The following PPP1R3C variants were observed in gnomAD, a reference collection of about 807,000 sequenced individuals.
PPP1R3C encodes PP1 subunit R5.
In PPP1R3C, 20 loss-of-function variants were observed where a neutral mutation model predicts 29.3. The ratio of observed to expected loss-of-function variants is 0.68; its 90% CI spans 0.48 to 0.99. The LOEUF (loss-of-function observed/expected upper bound fraction) is 0.99, where lower values mean the gene tolerates loss of function less well. Ranked by LOEUF, PPP1R3C falls within the 50% of genes least tolerant of loss-of-function variation. The pLI, the probability that PPP1R3C is intolerant of heterozygous loss-of-function variation, is 0.00. For synonymous variants in PPP1R3C, 123 were observed against 143.1 expected (o/e 0.86, Z 1.00); for missense variants, 321 against 386.0 (o/e 0.83, Z 1.41).
Position 91,630,753 on chromosome 10 carries a change from T to C in PPP1R3C, c.128A>G (p.Tyr43Cys). The C allele has an allele frequency of 6.2e-7, 1 of 1,614,224 alleles. No homozygotes were observed. The highest frequency in any genetic ancestry group is 8.5e-7 in the Non-Finnish European group (1 of 1,180,036). The change falls in exon 2 of 2, where the codon TAC becomes TGC. Residue 43 changes from tyrosine to cysteine, a missense_variant. Physicochemically the swap from Tyr to Cys is radical, Grantham distance 194. Coordinates refer to ENST00000238994, the MANE Select transcript of PPP1R3C (RefSeq NM_005398.7). This position sits in a 1 kb window ranked among gnomAD's most constrained non-coding sequence, Gnocchi z 4.4. Reference protein sequence around the residue: ...SPPVKSFLGPYDEFQRRHFVN... With the variant: ...SPPVKSFLGPCDEFQRRHFVN... Reference sequence around the variant, plus strand: ...AAAATGTCGTCGTTGAAATTCATCGTACGGGCCCAGGAAACTCTTCACAGG... The same window carrying C: ...AAAATGTCGTCGTTGAAATTCATCGCACGGGCCCAGGAAACTCTTCACAGG...
At chr10:91,631,514 AG>A (rs1351889285) in intron 1 of PPP1R3C, among the ~76,000 whole-genome samples, 5 of 140,270 alleles carry the variant, frequency 3.6e-5, no homozygotes, top group Admixed American at 7.3e-5. Flanking sequence ...TTCTCTGGTA[AG>A]GTAATTCACT....
chr10:91,630,595 TGAGA>T lies in PPP1R3C; in HGVS notation c.282_285del (p.Thr96ArgfsTer30). 6.2e-7 allele frequency: 1 copy of T among 1,613,218 alleles called. No homozygotes were observed. Among genetic ancestry groups the T allele is most frequent in the Non-Finnish European group, 8.5e-7 (1 of 1,179,298 alleles). ...AGGTCGGAGAAGACATGGATCGCAG[TGAGA>T]GAGAGGCCCTTGGAGTCAGCAAACA... On this transcript the variant is annotated frameshift_variant, in exon 2 of 2. Transcript: ENST00000238994. LOFTEE classifies it high-confidence loss of function. This position sits in a 1 kb window ranked among gnomAD's most constrained non-coding sequence, Gnocchi z 4.4.
intron 1 of PPP1R3C, among the ~76,000 whole-genome samples, chr10:91,631,147 T>C (rs1848714208): frequency 6.6e-6 from 1 of 152,234 alleles, no homozygotes; most frequent in Admixed American, 6.5e-5. Flanking sequence ...TTCGATTTGA[T>C]TATCTCCAAG....
intron 1 of PPP1R3C, 148 bp downstream of exon 1, chr10:91,632,808 G>C (rs1048770602): frequency 8.4e-7 from 1 of 1,195,568 alleles, no homozygotes; most frequent in African/African-American, 1.5e-5. Flanking sequence ...AAGGCCTCTC[G>C]GTTGCCAGAT....
chr10:91,629,923 TA>T lies in PPP1R3C; in HGVS notation c.*3del. 1 of 1,614,058 alleles carries T rather than the reference TA, an allele frequency of 6.2e-7. No homozygotes were observed. Among genetic ancestry groups the T allele is most frequent in the Non-Finnish European group, 8.5e-7 (1 of 1,179,976 alleles). ...AGTCAAGACCAGTTACATTGTTGCT[TA>T]ATTCATCGATAAGAGGCCAAGTTCT... On this transcript the variant is annotated 3_prime_UTR_variant, in exon 2 of 2. Transcript: ENST00000238994.
Position 91,630,047 on chromosome 10 carries a change from G to A in PPP1R3C, c.834C>T (p.His278=). ...TQMAPQDCAF[H]QTSPKTELES... is the part of the protein sequence containing the mutation. ...CTAACTCTGTCTTAGGAGACGTCTG[G>A]TGGAATGCACAGTCCTGGGGTGCCA... The change falls in exon 2 of 2, where the codon CAC becomes CAT. Residue 278 remains histidine, a synonymous_variant. Coordinates refer to ENST00000238994, the MANE Select transcript of PPP1R3C (RefSeq NM_005398.7). The surrounding 1 kb of genome is among the most constrained non-coding windows in gnomAD (Gnocchi z 4.4). 6.2e-7 allele frequency: 1 copy of A among 1,614,208 alleles called. No individual in the cohort carries two copies. Among genetic ancestry groups the A allele is most frequent in the South Asian group, 1.1e-5 (1 of 91,078 alleles).
In PPP1R3C at chr10:91,630,049, G is replaced by C. The variant is rs775020495; in HGVS notation, c.832C>G (p.His278Asp). ...AACTCTGTCTTAGGAGACGTCTGGT[G>C]GAATGCACAGTCCTGGGGTGCCATC... The part of the protein sequence containing the change: ...TQMAPQDCAF[H>D]QTSPKTELES... Residue 278 changes from histidine to aspartate, a missense_variant, in exon 2 of 2, where the codon CAC (histidine) becomes GAC (aspartate). Coordinates refer to ENST00000238994, the MANE Select transcript of PPP1R3C (RefSeq NM_005398.7). The surrounding 1 kb of genome is among the most constrained non-coding windows in gnomAD (Gnocchi z 4.4). The C allele has an allele frequency of 3.7e-6, 6 of 1,614,194 alleles. No homozygotes were observed. Among genetic ancestry groups the C allele is most frequent in the Non-Finnish European group, 5.1e-6 (6 of 1,180,040 alleles).
At chr10:91,631,706 C>G (rs1185150338) in intron 1 of PPP1R3C, among the ~76,000 whole-genome samples, 1 of 152,020 alleles carries the variant, frequency 6.6e-6, no homozygotes, top group Non-Finnish European at 1.5e-5. Flanking sequence ...TAAAGAGATG[C>G]CCATGACAAG....
Position 91,630,767 on chromosome 10 carries a change from A to G in PPP1R3C, c.114T>C (p.Ser38=), listed in dbSNP as rs766039608. 6.2e-7 allele frequency: 1 copy of G among 1,613,874 alleles called. No homozygotes were observed. The highest frequency in any genetic ancestry group is 8.5e-7 in the Non-Finnish European group (1 of 1,179,958). The change falls in exon 2 of 2, where the codon AGT becomes AGC. Residue 38 remains serine (S), a synonymous_variant. Transcript: ENST00000238994. The surrounding 1 kb of genome is among the most constrained non-coding windows in gnomAD (Gnocchi z 4.4). Reference sequence around the variant, plus strand: ...GAAATTCATCGTACGGGCCCAGGAAACTCTTCACAGGTGGTGAATGTGCCA... The same window carrying G: ...GAAATTCATCGTACGGGCCCAGGAAGCTCTTCACAGGTGGTGAATGTGCCA... The part of the protein sequence containing the change: ...LCLAHSPPVK[S]FLGPYDEFQR...
At chr10:91,632,842 G>T in intron 1 of PPP1R3C, 114 bp downstream of exon 1, 1 of 1,458,066 alleles carries the variant, frequency 6.9e-7, no homozygotes, top group Non-Finnish European at 9.4e-7. Flanking sequence ...CAGTCCACTT[G>T]TCCTCCCCCT....
Position 91,630,644 on chromosome 10 carries a change from G to A in PPP1R3C, c.237C>T (p.Asn79=), listed in dbSNP as rs761353233. 1.2e-6 allele frequency: 2 copies of A among 1,611,406 alleles called. No individual in the cohort carries two copies. The highest frequency in any genetic ancestry group is 2.2e-5 in the South Asian group (2 of 91,044). The stretch of plus-strand genomic sequence containing the variant: ...CAAACACAACGCGCTTCTTGGCTTG[G>A]TTGTGTGAGCACTTCCAGTCATTCT... ...KSQNDWKCSH[N]QAKKRVVFAD... The change falls in exon 2 of 2, where the codon AAC becomes AAT. Residue 79 remains asparagine (N), a synonymous_variant. Coordinates refer to ENST00000238994, the MANE Select transcript of PPP1R3C (RefSeq NM_005398.7). The surrounding 1 kb of genome is among the most constrained non-coding windows in gnomAD (Gnocchi z 4.4).
chr10:91,632,799 A>G (rs995191496), intron 1 of PPP1R3C, among the ~76,000 whole-genome samples, 157 bp downstream of exon 1: 1 of 152,120 alleles, frequency 6.6e-6, no homozygotes. Context: ...TACACCTCCA[A>G]GGCCTCTCGG....
chr10:91,630,455 T>G lies in PPP1R3C; in HGVS notation c.426A>C (p.Ser142=). The change falls in exon 2 of 2, where the codon TCA becomes TCC. Residue 142 remains serine, a synonymous_variant. Transcript: ENST00000238994. This position sits in a 1 kb window ranked among gnomAD's most constrained non-coding sequence, Gnocchi z 4.4. ...GGCTCCGGAAACTTAAGTAATCGGT[T>G]GAAGGCTGAGGGAAATCTAAAATCA... The part of the protein sequence containing the change: ...KNLILDFPQP[S]TDYLSFRSHF... The G allele has an allele frequency of 6.2e-7, 1 of 1,614,208 alleles. No individual in the cohort carries two copies. The highest frequency in any genetic ancestry group is 1.6e-4 in the Middle Eastern group (1 of 6,062).
At position 91,629,837 on chromosome 10, in the gene PPP1R3C, G is replaced by A. The variant is rs954895956; in HGVS notation, c.*90C>T. 1.5e-5 allele frequency: 21 copies of A among 1,363,794 alleles called. No individual in the cohort carries two copies. Among genetic ancestry groups the A allele is most frequent in the African/African-American group, 2.8e-5 (2 of 70,200 alleles). The allele number at this position is 1,363,794 out of a possible 1,614,324, so 84.5% of individuals were successfully genotyped here. On this transcript the variant is annotated 3_prime_UTR_variant, in exon 2 of 2. Transcript: ENST00000238994. ...GCTCAAATCTAAACCTACTGATGGA[G>A]TAGCAAAGGCTTCCTAAAATTGAGC...
chr10:91,633,037 A>C lies in PPP1R3C; in HGVS notation c.-68T>G. ...CTGCACAAATTCGAACCACAGCTCC[A>C]GGCCTTGCCCCCGCGGCGGTCGCTG... On this transcript the variant is annotated 5_prime_UTR_variant, in exon 1 of 2. Coordinates refer to ENST00000238994, the MANE Select transcript of PPP1R3C (RefSeq NM_005398.7). 3 of 1,584,252 alleles carry C rather than the reference A, an allele frequency of 1.9e-6. No individual in the cohort carries two copies. The highest frequency in any genetic ancestry group is 2.3e-5 in the South Asian group (2 of 86,830).
At position 91,629,988 on chromosome 10, in the gene PPP1R3C, C is replaced by T. The variant is rs1224794112; in HGVS notation, c.893G>A (p.Ser298Asn). 1.2e-6 allele frequency: 2 copies of T among 1,614,270 alleles called. No individual in the cohort carries two copies. The highest frequency in any genetic ancestry group is 1.7e-6 in the Non-Finnish European group (2 of 1,180,046). Residue 298 changes from serine to asparagine, a missense_variant, in exon 2 of 2, where the codon AGT (serine) becomes AAT (asparagine). Ser to Asn is a conservative substitution (Grantham distance 46, BLOSUM62 1). Transcript: ENST00000238994. ...STIFGSPRLA[S>N]GLFPEWQSWG... ...GCTCTGCCACTCTGGGAAGAGCCCA[C>T]TAGCCAGCCTCGGACTGCCAAAGAT... is the stretch of plus-strand genomic sequence containing the variant.
chr10:91,629,999 C>T lies in PPP1R3C; in HGVS notation c.882G>A (p.Pro294=), dbSNP rs1234288556. The change falls in exon 2 of 2, where the codon CCG becomes CCA. Residue 294 remains proline (P), a synonymous_variant. Transcript: ENST00000238994. ...TELESTIFGS[P]RLASGLFPEW... ...CTGGGAAGAGCCCACTAGCCAGCCTCGGACTGCCAAAGATTGTTGACTCTA... is the reference window on the plus strand; with the variant it reads ...CTGGGAAGAGCCCACTAGCCAGCCTTGGACTGCCAAAGATTGTTGACTCTA... The T allele has an allele frequency of 1.2e-6, 2 of 1,614,238 alleles. No individual in the cohort carries two copies. The highest frequency in any genetic ancestry group is 1.7e-6 in the Non-Finnish European group (2 of 1,180,038).
intron 1 of PPP1R3C, among the ~76,000 whole-genome samples, chr10:91,632,248 C>G (rs1054383235): frequency 2.6e-5 from 4 of 152,278 alleles, no homozygotes; most frequent in African/African-American, 9.6e-5. Context: ...TCTGGGAGAT[C>G]TGCAAACTTA....
Position 91,629,816 on chromosome 10 carries a change from A to G in PPP1R3C, c.*111T>C. The G allele has an allele frequency of 8.3e-7, 1 of 1,210,554 alleles. No individual in the cohort carries two copies. The highest frequency in any genetic ancestry group is 1.2e-6 in the Non-Finnish European group (1 of 838,570). 75.0% of individuals were successfully genotyped at this position (1,210,554 alleles called of 1,614,324 possible). On this transcript the variant is annotated 3_prime_UTR_variant, in exon 2 of 2. Transcript: ENST00000238994. ...TTCCATAGCCAGGTCTCAAAAGCTC[A>G]AATCTAAACCTACTGATGGAGTAGC...
Sources: gnomAD v4.1 joint callset for allele counts (sites outside exome capture counted in the v4.1 genomes callset) on GRCh38, gnomAD v4.1.1 for gene constraint, Gnocchi (gnomAD v3.1) non-coding constraint, MANE v1.5 for transcripts, NCBI Gene and HGNC (gene_info 2026-07-23, HGNC 2026-07-21) for gene names.